SLC16A12: variants seen among roughly 807,000 people sequenced by gnomAD.
SLC16A12 encodes the protein monocarboxylate transporter 12.
In SLC16A12, 17 loss-of-function variants were observed where a neutral mutation model predicts 42.4. The observed-to-expected ratio is 0.40, with a 90% CI of 0.27 to 0.60. SLC16A12 has a LOEUF of 0.60. Ranked by LOEUF, SLC16A12 falls within the 20% of genes least tolerant of loss-of-function variation. The probability of loss-of-function intolerance (pLI) is 0.42; values close to 1 mark genes in which losing one functional copy is unlikely to be tolerated. For synonymous variants in SLC16A12, 224 were observed against 229.4 expected, an observed-to-expected ratio of 0.98 and a Z score of 0.21; for missense variants, 544 against 623.0, an observed-to-expected ratio of 0.87 and a Z score of 1.35.
At chr10:89,441,455 C>T (rs910304276) in intron 4 of SLC16A12, among the ~76,000 whole-genome samples, 2 of 152,166 alleles carry the variant, frequency 1.3e-5, no homozygotes, top group African/African-American at 4.8e-5. Flanking sequence ...GAATAGAACT[C>T]AAGTCTCCTG....
At chr10:89,548,491 G>A (rs1354085554) in intron 2 of SLC16A12, among the ~76,000 whole-genome samples, 1 of 152,100 alleles carries the variant, frequency 6.6e-6, no homozygotes, top group Admixed American at 6.6e-5. Flanking sequence ...CTTGGGGAAT[G>A]CCTGCAATGT....
intron 5 of SLC16A12, 132 bp downstream of exon 5, chr10:89,440,976 A>G: frequency 9.4e-7 from 1 of 1,060,784 alleles, no homozygotes; most frequent in East Asian, 2.5e-5. Flanking sequence ...ACTGCTAGGT[A>G]GGTAGACATA....
chr10:89,467,707 G>A (rs1244468297), intron 2 of SLC16A12, among the ~76,000 whole-genome samples: 7 of 152,158 alleles, frequency 4.6e-5, no homozygotes, highest in African/African-American at 1.7e-4. Flanking sequence ...ATATAATTGA[G>A]CTGGTATGAT....
intron 2 of SLC16A12, among the ~76,000 whole-genome samples, chr10:89,555,614 T>C (rs1031447583): frequency 6.9e-6 from 1 of 144,732 alleles, no homozygotes; most frequent in African/African-American, 2.5e-5. Context: ...TACATATATA[T>C]ACAGATATGT....
chr10:89,498,602 C>T (rs917000923), intron 2 of SLC16A12, among the ~76,000 whole-genome samples: 5 of 152,098 alleles, frequency 3.3e-5, no homozygotes, highest in African/African-American at 1.2e-4. Context: ...TTTTGCAGCT[C>T]CGACTCGGGC....
Position 89,461,003 on chromosome 10 carries a change from T to C in SLC16A12, c.200+1376A>G, listed in dbSNP as rs575783239. Reference sequence around the variant, plus strand: ...ATCTTTGTTATGGGAGGGACACTGATGCCTGTATTGATGATGCCAACAAAT... The same window carrying C: ...ATCTTTGTTATGGGAGGGACACTGACGCCTGTATTGATGATGCCAACAAAT... On this transcript the variant is annotated intron_variant, in intron 3 of 7. Coordinates refer to ENST00000371790, the MANE Select transcript of SLC16A12 (RefSeq NM_213606.4). 3.3e-5 allele frequency among the ~76,000 whole-genome samples: 5 copies of C among 152,340 alleles called. No individual in the cohort carries two copies. In the South Asian group the frequency reaches 1.0e-3, roughly 32 times the overall value.
At chr10:89,437,029 C>G (rs952931682) in intron 6 of SLC16A12, among the ~76,000 whole-genome samples, 11 of 152,130 alleles carry the variant, frequency 7.2e-5, no homozygotes, top group African/African-American at 2.4e-4. Flanking sequence ...GTTGGACAAG[C>G]TTGATGTAAA....
chr10:89,518,909 T>A (rs532201555), intron 2 of SLC16A12, among the ~76,000 whole-genome samples: 1 of 152,262 alleles, frequency 6.6e-6, no homozygotes, highest in Admixed American at 6.5e-5. Context: ...CCTGGGGAAA[T>A]GTACAGGCAG....
chr10:89,509,486 C>T (rs969440081), intron 2 of SLC16A12, among the ~76,000 whole-genome samples: 6 of 152,100 alleles, frequency 3.9e-5, no homozygotes, highest in African/African-American at 1.2e-4. Context: ...GAACCAACAA[C>T]AAAAACTACA....
At chr10:89,460,605 C>T (rs959889188) in intron 3 of SLC16A12, among the ~76,000 whole-genome samples, 1 of 151,724 alleles carries the variant, frequency 6.6e-6, no homozygotes, top group Non-Finnish European at 1.5e-5. Context: ...TATCCCAGTA[C>T]AAAATTTTGT....
At chr10:89,467,119 C>T (rs304430) in intron 2 of SLC16A12, among the ~76,000 whole-genome samples, 35,132 of 152,134 alleles carry the variant, frequency 0.23, 4,720 homozygotes, top group Non-Finnish European at 0.32. Context: ...TGGTATAGTC[C>T]TAGCTTCTTC....
chr10:89,443,461 T>C (rs887047436), intron 4 of SLC16A12, among the ~76,000 whole-genome samples: 2 of 152,212 alleles, frequency 1.3e-5, no homozygotes, highest in African/African-American at 4.8e-5. Context: ...CAGGACGTGT[T>C]CTAGAATGCT....
rs537307199 is a variant in SLC16A12, at chr10:89,493,381, C to T, written c.-46-30757G>A. Among the ~76,000 whole-genome samples the T allele has an allele frequency of 1.4e-4, 22 of 152,176 alleles. No individual in the cohort carries two copies. The South Asian group carries it at 3.7e-3, about 26-fold the overall frequency. ...GGGATTACAGGCATGTGTCACTATGCCCGGCTAATTTTTGTATTATTAGTA... is the reference window on the plus strand; with the variant it reads ...GGGATTACAGGCATGTGTCACTATGTCCGGCTAATTTTTGTATTATTAGTA... On this transcript the variant is annotated intron_variant, in intron 2 of 7. Transcript: ENST00000371790.
At chr10:89,471,772 C>T (rs932741505) in intron 2 of SLC16A12, among the ~76,000 whole-genome samples, 1 of 152,154 alleles carries the variant, frequency 6.6e-6, no homozygotes, top group African/African-American at 2.4e-5. Context: ...AATTGCTTCG[C>T]AACTTTGGCA....
chr10:89,440,931 T>C (rs936648246), intron 5 of SLC16A12, among the ~76,000 whole-genome samples, 177 bp downstream of exon 5: 2 of 152,222 alleles, frequency 1.3e-5, no homozygotes, highest in Non-Finnish European at 2.9e-5. Flanking sequence ...TGCATTTTCA[T>C]TAGGGTAATG....
chr10:89,503,750 C>A (rs1457509629), intron 2 of SLC16A12, among the ~76,000 whole-genome samples: 1 of 152,116 alleles, frequency 6.6e-6, no homozygotes, highest in East Asian at 1.9e-4. Flanking sequence ...GTGGTGGAGT[C>A]CGCAATTGTT....
At chr10:89,536,453 A>C (rs891057621), upstream of SLC16A12, among the ~76,000 whole-genome samples, 1 of 151,932 alleles carries the variant, frequency 6.6e-6, no homozygotes, top group East Asian at 1.9e-4. Context: ...CGCCCACTTC[A>C]TGTTGTTGCT....
At chr10:89,493,369 T>C (rs937462382) in intron 2 of SLC16A12, among the ~76,000 whole-genome samples, 1 of 152,078 alleles carries the variant, frequency 6.6e-6, no homozygotes, top group African/African-American at 2.4e-5. Flanking sequence ...ATTACAGGCA[T>C]GTGTCACTAT....
At chr10:89,486,994 T>A (rs1351488674) in intron 2 of SLC16A12, among the ~76,000 whole-genome samples, 2 of 152,114 alleles carry the variant, frequency 1.3e-5, no homozygotes, top group African/African-American at 4.8e-5. Flanking sequence ...AGGAGAAAAT[T>A]TGGAAGTATG....
Sources: gnomAD v4.1 joint callset for allele counts (sites outside exome capture counted in the v4.1 genomes callset) on GRCh38, gnomAD v4.1.1 for gene constraint, MANE v1.5 for transcripts, NCBI Gene and HGNC (gene_info 2026-07-23, HGNC 2026-07-21) for gene names.